Variants in ARHGEF9 observed in about 807,000 individuals in gnomAD.
The protein encoded by ARHGEF9 is Cdc42 guanine nucleotide exchange factor 9.
In ARHGEF9, 2 loss-of-function variants were observed where a neutral mutation model predicts 41.3. The observed-to-expected ratio is 0.05, with a 90% CI of 0.02 to 0.15. ARHGEF9 has a LOEUF of 0.15. ARHGEF9 is among the 10% of genes least tolerant of loss of function. The pLI is 1.00. For synonymous variants in ARHGEF9, 160 were observed against 154.4 expected (o/e 1.04, Z -0.27); for missense variants, 225 against 424.7 (o/e 0.53, Z 4.13).
At chrX:63,642,517 C>A (rs1415697449) in intron 9 of ARHGEF9, 1 of 111,552 alleles carries the variant, frequency 9.0e-6, no homozygotes, top group East Asian at 2.8e-4. Flanking sequence ...GGAAAAGAGA[C>A]AATAAGGGCC....
chrX:63,655,087 T>C (rs2048796178), intron 8 of ARHGEF9, among the ~76,000 whole-genome samples: 1 of 112,627 alleles, frequency 8.9e-6, no homozygotes, highest in Admixed American at 9.4e-5. Context: ...TATTTGAATC[T>C]ACAGTCTAGG....
intron 1 of ARHGEF9, among the ~76,000 whole-genome samples, chrX:63,737,457 A>G (rs1217375578): frequency 2.7e-5 from 3 of 112,392 alleles, no homozygotes; most frequent in African/African-American, 9.7e-5. Flanking sequence ...AAAAAATGAA[A>G]CAAGGAAGTC....
intron 7 of ARHGEF9, among the ~76,000 whole-genome samples, chrX:63,661,825 T>C (rs1400455115): frequency 1.8e-5 from 2 of 111,679 alleles, no homozygotes; most frequent in Non-Finnish European, 3.8e-5. Flanking sequence ...TAAGCTGTTC[T>C]GAGTGGATTA....
intron 2 of ARHGEF9, among the ~76,000 whole-genome samples, chrX:63,712,085 G>A (rs782472166): frequency 1.3e-4 from 15 of 111,819 alleles, no homozygotes; most frequent in African/African-American, 2.9e-4. Context: ...CACTTCACAC[G>A]TCCTAGAATG....
intron 9 of ARHGEF9, chrX:63,640,283 T>A (rs1403788551): frequency 8.9e-6 from 1 of 112,486 alleles, no homozygotes; most frequent in Non-Finnish European, 1.9e-5. Flanking sequence ...CAATTGGGCA[T>A]ATTTGTGTAC....
At chrX:63,690,551 A>G (rs1738695751) in intron 4 of ARHGEF9, among the ~76,000 whole-genome samples, 1 of 111,981 alleles carries the variant, frequency 8.9e-6, no homozygotes, top group Admixed American at 9.4e-5. Flanking sequence ...GAATTCCACC[A>G]AACATTTAAA....
At chrX:63,760,353 C>T (rs1556449111) in intron 1 of ARHGEF9, among the ~76,000 whole-genome samples, 1 of 111,198 alleles carries the variant, frequency 9.0e-6, no homozygotes, top group African/African-American at 3.3e-5. Context: ...TCATGGGTAT[C>T]ATCTCTATTT....
At chrX:63,784,131 G>C (rs2056423979) in intron 1 of ARHGEF9, among the ~76,000 whole-genome samples, 1 of 112,199 alleles carries the variant, frequency 8.9e-6, no homozygotes, top group Non-Finnish European at 1.9e-5. Flanking sequence ...TGGCAGCGTA[G>C]AAGTGTGGGC....
rs782625638 is a variant in ARHGEF9, at chrX:63,686,724, A to G, written c.583-8152T>C. ...AGTATATGTAGCTTTACTCTCCTCC[A>G]CAGAAAACCAAAAAGAACTAGCCAC... On this transcript the variant is annotated intron_variant, in intron 4 of 9. Coordinates refer to ENST00000671741, the MANE Select transcript of ARHGEF9 (RefSeq NM_001353921.2). Among the ~76,000 whole-genome samples the G allele has an allele frequency of 2.7e-5, 3 of 111,190 alleles. No homozygotes were observed. In the East Asian group the frequency reaches 8.6e-4, roughly 32 times the overall value.
At chrX:63,680,771 G>C (rs1443316952) in intron 4 of ARHGEF9, among the ~76,000 whole-genome samples, 2 of 111,788 alleles carry the variant, frequency 1.8e-5, no homozygotes, top group Non-Finnish European at 3.8e-5. Context: ...CCAACTGCTA[G>C]TATAGTATCA....
At chrX:63,677,287 T>A (rs1343482354) in intron 5 of ARHGEF9, among the ~76,000 whole-genome samples, 1 of 111,867 alleles carries the variant, frequency 8.9e-6, no homozygotes, top group Non-Finnish European at 1.9e-5. Flanking sequence ...TCTCATCAAC[T>A]TAAGGAAGGT....
intron 9 of ARHGEF9, among the ~76,000 whole-genome samples, chrX:63,643,291 GTGATTTGGGTCTCC>G (rs1556308359): frequency 9.0e-6 from 1 of 111,006 alleles, no homozygotes; most frequent in Admixed American, 9.6e-5. Context: ...ATTCTTTATT[GTGATTTGGGTCTCC>G]TGATTTGGCA....
At chrX:63,739,503 C>T (rs1434584352) in intron 1 of ARHGEF9, among the ~76,000 whole-genome samples, 50 of 111,352 alleles carry the variant, frequency 4.5e-4, no homozygotes, top group Middle Eastern at 4.6e-3. Context: ...TGGCAGATTC[C>T]TTTAGCACTG....
At chrX:63,720,045 C>T (rs1556412694) in intron 2 of ARHGEF9, among the ~76,000 whole-genome samples, 1 of 111,370 alleles carries the variant, frequency 9.0e-6, no homozygotes, top group African/African-American at 3.3e-5. Flanking sequence ...CACGCATGCC[C>T]AGGACCAGAT....
At chrX:63,706,635 CTCTAGGTCTCTGGTGACCTA>C (rs1267042530) in intron 2 of ARHGEF9, among the ~76,000 whole-genome samples, 186 bp from the exon 3 acceptor site, 1 of 111,692 alleles carries the variant, frequency 9.0e-6, no homozygotes, top group Non-Finnish European at 1.9e-5. Context: ...GTTTAATCTT[CTCTAGGTCTCTGGTGACCTA>C]TCTGTAAATA....
intron 1 of ARHGEF9, among the ~76,000 whole-genome samples, chrX:63,739,573 C>T (rs782778660): frequency 9.8e-5 from 11 of 111,878 alleles, no homozygotes; most frequent in Non-Finnish European, 1.9e-5. Flanking sequence ...GAAAGCATGG[C>T]TTCTAGTCCT....
chrX:63,668,600 A>G (rs1228535978), intron 6 of ARHGEF9, among the ~76,000 whole-genome samples: 3 of 112,199 alleles, frequency 2.7e-5, no homozygotes, highest in Non-Finnish European at 5.6e-5. Flanking sequence ...TAACAGTACC[A>G]ACTTCATTTG....
chrX:63,764,227 A>G (rs1159230636), intron 1 of ARHGEF9, among the ~76,000 whole-genome samples: 2 of 112,781 alleles, frequency 1.8e-5, no homozygotes, highest in Non-Finnish European at 3.8e-5. Context: ...AAGCTCAACA[A>G]TACTGATCAT....
intron 1 of ARHGEF9, among the ~76,000 whole-genome samples, chrX:63,781,640 A>G (rs1341099144): frequency 1.8e-5 from 2 of 111,952 alleles, no homozygotes; most frequent in Admixed American, 1.9e-4. Flanking sequence ...CCAAGCAACC[A>G]TCACGTCTAA....
Sources: allele counts gnomAD v4.1 joint callset (sites outside exome capture counted in the v4.1 genomes callset), GRCh38; gene constraint gnomAD v4.1.1; transcripts MANE v1.5; gene names NCBI Gene and HGNC (gene_info 2026-07-23, HGNC 2026-07-21).